Variants in ZNF385B observed in about 807,000 individuals in gnomAD.
ZNF385B encodes the protein zinc finger protein 385B.
A neutral mutation model predicts 39.2 loss-of-function variants in ZNF385B; 23 were observed. The ratio of observed to expected loss-of-function variants is 0.59; its 90% CI spans 0.42 to 0.83. The LOEUF is 0.83. Among genes scored for constraint, ZNF385B ranks in the 40% least tolerant of loss-of-function variants. The pLI is 0.00. For synonymous variants in ZNF385B, 205 were observed against 222.6 expected (o/e 0.92, Z 0.70); for missense variants, 552 against 598.9 (o/e 0.92, Z 0.82).
chr2:179,807,803 G>A (rs984080234), intron 1 of ZNF385B, among the ~76,000 whole-genome samples: 3 of 151,178 alleles, frequency 2.0e-5, no homozygotes, highest in Non-Finnish European at 2.9e-5. Context: ...GTTGAGGCAG[G>A]AGAATGGCCT....
At chr2:179,476,544 T>G (rs1257956081) in intron 6 of ZNF385B, among the ~76,000 whole-genome samples, 1 of 152,124 alleles carries the variant, frequency 6.6e-6, no homozygotes, top group African/African-American at 2.4e-5. Flanking sequence ...CACTAAAAAA[T>G]AGCTTTCAAA....
At chr2:179,659,698 T>C (rs922139868) in intron 3 of ZNF385B, among the ~76,000 whole-genome samples, 1 of 152,184 alleles carries the variant, frequency 6.6e-6, no homozygotes, top group Non-Finnish European at 1.5e-5. Context: ...TTAGAATACG[T>C]ATCAGAGCAT....
intron 3 of ZNF385B, among the ~76,000 whole-genome samples, chr2:179,706,384 A>G (rs945421578): frequency 6.6e-6 from 1 of 152,096 alleles, no homozygotes; most frequent in African/African-American, 2.4e-5. Flanking sequence ...GGTCCTCTTG[A>G]CCATGGTGCC....
chr2:179,733,575 G>A (rs1701535108), intron 3 of ZNF385B, among the ~76,000 whole-genome samples: 1 of 152,158 alleles, frequency 6.6e-6, no homozygotes, highest in Admixed American at 6.5e-5. Context: ...GAGGTCAGGA[G>A]ATTGAGACTA....
chr2:179,799,076 T>C (rs1705867040), intron 1 of ZNF385B, among the ~76,000 whole-genome samples: 1 of 152,098 alleles, frequency 6.6e-6, no homozygotes, highest in Admixed American at 6.6e-5. Flanking sequence ...ACACTATATA[T>C]ACATTTATTT....
intron 1 of ZNF385B, among the ~76,000 whole-genome samples, chr2:179,850,398 A>G (rs1246099896): frequency 6.6e-6 from 1 of 152,192 alleles, no homozygotes; most frequent in Non-Finnish European, 1.5e-5. Flanking sequence ...CAGCCATACC[A>G]TTACTGGACA....
chr2:179,751,109 T>C (rs1312090207), intron 3 of ZNF385B, among the ~76,000 whole-genome samples: 2 of 152,056 alleles, frequency 1.3e-5, no homozygotes, highest in South Asian at 4.1e-4. Context: ...ATTTAAGTAG[T>C]AATTTTTATT....
At chr2:179,610,356 TTC>T (rs1198453453) in intron 3 of ZNF385B, among the ~76,000 whole-genome samples, 2 of 152,090 alleles carry the variant, frequency 1.3e-5, no homozygotes, top group Non-Finnish European at 2.9e-5. Flanking sequence ...TCAAAATGAG[TTC>T]CCTACAGACT....
chr2:179,643,538 G>T (rs759152176), intron 3 of ZNF385B, among the ~76,000 whole-genome samples: 2 of 152,116 alleles, frequency 1.3e-5, no homozygotes, highest in Non-Finnish European at 2.9e-5. Flanking sequence ...CAATAAAAAA[G>T]GAATGAACTA....
chr2:179,614,596 C>T (rs1438588865), intron 3 of ZNF385B, among the ~76,000 whole-genome samples: 1 of 152,086 alleles, frequency 6.6e-6, no homozygotes, highest in Non-Finnish European at 1.5e-5. Context: ...AAGCCAAAAG[C>T]CAATAAAATG....
chr2:179,738,688 G>T (rs760097266), intron 3 of ZNF385B, among the ~76,000 whole-genome samples: 8 of 152,166 alleles, frequency 5.3e-5, no homozygotes, highest in Non-Finnish European at 1.2e-4. Context: ...CTGATTCCTA[G>T]ATAGCAGCTG....
chr2:179,599,669 A>G (rs1168400696), intron 3 of ZNF385B, among the ~76,000 whole-genome samples: 1 of 152,224 alleles, frequency 6.6e-6, no homozygotes, highest in Non-Finnish European at 1.5e-5. Context: ...AGACAAAAGC[A>G]GATCCTGGGC....
chr2:179,603,178 G>A (rs748699064), intron 3 of ZNF385B, among the ~76,000 whole-genome samples: 4 of 152,110 alleles, frequency 2.6e-5, no homozygotes, highest in Admixed American at 2.0e-4. Flanking sequence ...TTGGCTCTGC[G>A]TTTTTTGATC....
chr2:179,493,974 T>G (rs1185618343), intron 5 of ZNF385B, among the ~76,000 whole-genome samples: 1 of 150,904 alleles, frequency 6.6e-6, no homozygotes, highest in Non-Finnish European at 1.5e-5. Flanking sequence ...TGTTCTAATA[T>G]GGGGACATAG....
intron 1 of ZNF385B, among the ~76,000 whole-genome samples, chr2:179,793,855 G>A (rs1356847375): frequency 6.6e-6 from 1 of 152,220 alleles, no homozygotes; most frequent in Admixed American, 6.5e-5. Flanking sequence ...CAATTCAGGA[G>A]GTAGGAAGAA....
intron 3 of ZNF385B, among the ~76,000 whole-genome samples, chr2:179,599,435 A>T (rs753398153): frequency 6.6e-6 from 1 of 152,238 alleles, no homozygotes; most frequent in African/African-American, 2.4e-5. Context: ...TATCAGTCAC[A>T]ACAGAATTAA....
chr2:179,504,864 C>A (rs576120981), intron 5 of ZNF385B, among the ~76,000 whole-genome samples: 1 of 151,258 alleles, frequency 6.6e-6, no homozygotes, highest in Non-Finnish European at 1.5e-5. Context: ...ATCATGAGGA[C>A]AGCACCAAGG....
At chr2:179,557,473 T>G (rs1008370326) in intron 3 of ZNF385B, among the ~76,000 whole-genome samples, 20 of 151,062 alleles carry the variant, frequency 1.3e-4, no homozygotes, top group Admixed American at 6.0e-4. Flanking sequence ...TTATTTTATT[T>G]TATTACATAT....
At chr2:179,758,132 T>C (rs564358458) in intron 3 of ZNF385B, among the ~76,000 whole-genome samples, 95 of 152,316 alleles carry the variant, frequency 6.2e-4, no homozygotes, top group South Asian at 1.5e-3. Context: ...AAATAAAAGA[T>C]GCCACTTCTT....
Sources: gnomAD v4.1 joint callset for allele counts (sites outside exome capture counted in the v4.1 genomes callset) on GRCh38, gnomAD v4.1.1 for gene constraint, MANE v1.5 for transcripts, NCBI Gene and HGNC (gene_info 2026-07-23, HGNC 2026-07-21) for gene names.